Variants in IQCE observed in about 807,000 individuals in gnomAD.
The protein encoded by IQCE is IQ domain-containing protein E.
In IQCE, 115 loss-of-function variants were observed where a neutral mutation model predicts 96.0. The observed-to-expected ratio is 1.20, with a 90% CI of 1.03 to 1.40. IQCE has a LOEUF of 1.40. Among genes scored for constraint, IQCE ranks in the 40% most tolerant of loss-of-function variants. The pLI is 0.00. For synonymous variants in IQCE, 412 were observed against 371.2 expected (o/e 1.11, Z -1.26); for missense variants, 1,041 against 909.1 (o/e 1.15, Z -1.87).
intron 3 of IQCE, among the ~76,000 whole-genome samples, chr7:2,570,356 C>G (rs958216835): frequency 6.6e-6 from 1 of 152,086 alleles, no homozygotes; most frequent in Admixed American, 6.6e-5. Flanking sequence ...CCCACACACT[C>G]TTAGGAGGGA....
chr7:2,585,102 C>G (rs1216362792), intron 11 of IQCE, among the ~76,000 whole-genome samples: 1 of 144,872 alleles, frequency 6.9e-6, no homozygotes, highest in Non-Finnish European at 1.5e-5. Context: ...GTGGTGTGAT[C>G]TCAGCTCACT....
chr7:2,561,571 C>G (rs1188570754), intron 1 of IQCE, among the ~76,000 whole-genome samples: 1 of 152,028 alleles, frequency 6.6e-6, no homozygotes, highest in Non-Finnish European at 1.5e-5. Flanking sequence ...CAGGCGCCCG[C>G]CACCATGCCC....
chr7:2,593,055 C>T lies in IQCE; in HGVS notation c.1278C>T (p.Ala426=), dbSNP rs367913957. Residue 426 remains alanine, a synonymous_variant, in exon 15 of 22, where the codon GCC becomes GCT. Coordinates refer to ENST00000402050, the MANE Select transcript of IQCE (RefSeq NM_152558.5). ...TGAAGCAGCTCCTGCAGGCGAAGGC[C>T]GACCTGGAGAAGGAGCTGGAGTGCG... is the stretch of plus-strand genomic sequence containing the variant. ...LEVKQLLQAK[A]DLEKELECAR... 6.0e-5 allele frequency: 97 copies of T among 1,610,854 alleles called. No homozygotes were observed. The African/African-American group carries it at 6.1e-4, about 10-fold the overall frequency.
chr7:2,605,067 G>T, intron 19 of IQCE, 76 bp downstream of exon 19: 1 of 1,059,250 alleles, frequency 9.4e-7, no homozygotes, highest in Non-Finnish European at 1.4e-6. Context: ...TCGAGAAAGC[G>T]TAGGGCACCC....
intron 20 of IQCE, among the ~76,000 whole-genome samples, chr7:2,606,672 G>A (rs752713321): frequency 6.6e-6 from 1 of 152,108 alleles, no homozygotes; most frequent in Non-Finnish European, 1.5e-5. Flanking sequence ...CTCCAAGGCC[G>A]CATCTGCATC....
intron 5 of IQCE, among the ~76,000 whole-genome samples, 174 bp from the exon 6 acceptor site, chr7:2,573,244 A>G (rs533176053): frequency 2.7e-4 from 41 of 152,110 alleles, no homozygotes; most frequent in Non-Finnish European, 7.4e-5. Flanking sequence ...TTTTCTTGCT[A>G]CTTGGTGTGA....
rs1198040430 is a variant in IQCE at position 2,612,412 on chromosome 7, TC to T, written c.*2252del. ...CTGGAACGCTGCAGTGTGGTTTTGT[TC>T]CATGGAGACAGTACCAAGCGGAGAG... On this transcript the variant is annotated 3_prime_UTR_variant, in exon 22 of 22. Coordinates refer to ENST00000402050, the MANE Select transcript of IQCE (RefSeq NM_152558.5). The T allele has an allele frequency of 6.6e-6, 1 of 152,356 alleles. No individual in the cohort carries two copies. Among genetic ancestry groups the T allele is most frequent in the East Asian group, 1.9e-4 (1 of 5,192 alleles). 9.4% of individuals were successfully genotyped at this position (152,356 alleles called of 1,614,324 possible).
At chr7:2,573,668 C>T (rs774003595) in intron 6 of IQCE, among the ~76,000 whole-genome samples, 180 bp downstream of exon 6, 14 of 152,190 alleles carry the variant, frequency 9.2e-5, no homozygotes, top group South Asian at 2.1e-4. Flanking sequence ...GGTTAAAGGC[C>T]GTAGCACCAG....
intron 15 of IQCE, 107 bp from the exon 16 acceptor site, chr7:2,594,779 T>C (rs1583482760): frequency 3.8e-6 from 3 of 781,270 alleles, no homozygotes; most frequent in East Asian, 4.9e-5. Context: ...ACAGGCTGCC[T>C]GGTGTCCCCC....
intron 15 of IQCE, among the ~76,000 whole-genome samples, chr7:2,593,742 C>T (rs575615448): frequency 7.9e-5 from 12 of 152,288 alleles, no homozygotes; most frequent in South Asian, 2.1e-4. Flanking sequence ...GGACTGCTGA[C>T]GAGCATGGCT....
At chr7:2,605,479 G>C (rs1474638430) in intron 19 of IQCE, among the ~76,000 whole-genome samples, 2 of 152,026 alleles carry the variant, frequency 1.3e-5, no homozygotes, top group African/African-American at 4.8e-5. Context: ...AATTAGCCGG[G>C]CGTGGTGGCG....
chr7:2,595,063 T>C (rs954006902), intron 16 of IQCE, 87 bp downstream of exon 16: 3 of 897,994 alleles, frequency 3.3e-6, no homozygotes, highest in South Asian at 1.3e-5. Context: ...TCCAGAGTTT[T>C]TTCTGACCAG....
intron 18 of IQCE, among the ~76,000 whole-genome samples, chr7:2,603,236 C>G (rs1053723745): frequency 6.6e-6 from 1 of 152,206 alleles, no homozygotes; most frequent in Non-Finnish European, 1.5e-5. Context: ...TCCCGGTCCC[C>G]ACAGCCCGCT....
rs530457751 is a variant in IQCE at position 2,579,141 on chromosome 7, A to G, written c.630+615A>G. On this transcript the variant is annotated intron_variant, in intron 8 of 21. Coordinates refer to ENST00000402050, the MANE Select transcript of IQCE (RefSeq NM_152558.5). Reference sequence around the variant, plus strand: ...AGACCCCCCTCAGATACTATGTGACAATATGTAAGAAGTTGAATGAAATGG... The same window carrying G: ...AGACCCCCCTCAGATACTATGTGACGATATGTAAGAAGTTGAATGAAATGG... Among the ~76,000 whole-genome samples the G allele has an allele frequency of 4.6e-5, 7 of 152,136 alleles. No individual in the cohort carries two copies. The East Asian group carries it at 1.2e-3, about 25-fold the overall frequency.
intron 9 of IQCE, among the ~76,000 whole-genome samples, 186 bp from the exon 10 acceptor site, chr7:2,583,451 A>G (rs567631097): frequency 5.3e-5 from 8 of 152,164 alleles, no homozygotes; most frequent in African/African-American, 1.9e-4. Context: ...GAATTCTCCC[A>G]TCAGGCTCGA....
rs200008563 is a variant in IQCE at position 2,593,222 on chromosome 7, C to T, written c.1349+96C>T. The T allele has an allele frequency of 4.5e-5, 67 of 1,476,682 alleles. 1 individual carries two copies. The Middle Eastern group carries it at 7.7e-4, about 17-fold the overall frequency. 91.5% of individuals were successfully genotyped at this position (1,476,682 alleles called of 1,614,324 possible). On this transcript the variant is annotated intron_variant, in intron 15 of 21. Transcript: ENST00000402050. ...GTGGCGTCTCAGCCTTGCTGCCAGC[C>T]GGCTTCTTAGAAAGGCCACACCTCC...
intron 3 of IQCE, chr7:2,571,298 C>T: frequency 6.1e-6 from 3 of 491,240 alleles, no homozygotes; most frequent in East Asian, 4.3e-5. Flanking sequence ...GTATTATAGG[C>T]ATGAGCCACC....
rs1478551190 is a variant in IQCE at position 2,588,430 on chromosome 7, G to A, written c.1044+553G>A. 5.5e-5 allele frequency among the ~76,000 whole-genome samples: 8 copies of A among 146,722 alleles called. No homozygotes were observed. In the East Asian group the frequency reaches 6.2e-4, roughly 11 times the overall value. On this transcript the variant is annotated intron_variant, in intron 13 of 21. Coordinates refer to ENST00000402050, the MANE Select transcript of IQCE (RefSeq NM_152558.5). ...GTGCAGTGGCGCGATCTCAGGTCAC[G>A]GCAACCTCCGCCTCCCGAGTTCAAG...
chr7:2,561,845 A>G (rs1780992547), intron 1 of IQCE, among the ~76,000 whole-genome samples: 1 of 152,248 alleles, frequency 6.6e-6, no homozygotes. Context: ...GTCTGTGAAT[A>G]GAGATAGTTT....
Sources: allele counts gnomAD v4.1 joint callset (sites outside exome capture counted in the v4.1 genomes callset), GRCh38; gene constraint gnomAD v4.1.1; transcripts MANE v1.5; gene names NCBI Gene and HGNC (gene_info 2026-07-23, HGNC 2026-07-21).